Variants in WDR33 observed in about 807,000 individuals in gnomAD.
The protein encoded by WDR33 is pre-mRNA 3' end processing protein WDR33.
Under a neutral mutation model 164.9 loss-of-function variants are expected in WDR33, and 47 were observed. That is an observed-to-expected ratio of 0.29 (90% CI 0.23 to 0.36). WDR33 has a LOEUF of 0.36. Ranked by LOEUF, WDR33 falls within the 10% of genes least tolerant of loss-of-function variation. The pLI, the probability that WDR33 is intolerant of heterozygous loss-of-function variation, is 1.00. For synonymous variants in WDR33, 505 were observed against 589.0 expected (o/e 0.86, Z 2.06); for missense variants, 1,137 against 1,754.1 (o/e 0.65, Z 6.28).
intron 7 of WDR33, among the ~76,000 whole-genome samples, chr2:127,760,041 G>C (rs1687632152): frequency 6.6e-6 from 1 of 152,112 alleles, no homozygotes; most frequent in Non-Finnish European, 1.5e-5. Flanking sequence ...TTAATTTTTG[G>C]TATTCCCGTA....
chr2:127,790,356 G>T (rs1165653326), intron 1 of WDR33, among the ~76,000 whole-genome samples: 2 of 151,956 alleles, frequency 1.3e-5, no homozygotes, highest in East Asian at 3.9e-4. Flanking sequence ...CTAATATTTT[G>T]TTGTGACTTC....
Position 127,720,068 on chromosome 2 carries a change from T to C in WDR33, c.1957A>G (p.Met653Val). The C allele has an allele frequency of 6.2e-7, 1 of 1,614,108 alleles. No homozygotes were observed. The highest frequency in any genetic ancestry group is 8.5e-7 in the Non-Finnish European group (1 of 1,179,986). ...HQGGGGPQGF[M>V]GPQGPQGPPQ... ...GGGCCCTGGGGCCCCTGTGGTCCCA[T>C]GAATCCTTGTGGCCCCCCACCTCCC... Residue 653 changes from methionine (M) to valine (V), a missense_variant, in exon 16 of 22, where the codon ATG becomes GTG. Met to Val is a conservative substitution (Grantham distance 21). Around this residue, in one of 9 missense-constraint regions of WDR33, gnomAD observed 867 missense variants for 1,073.0 expected, o/e 0.81. Transcript: ENST00000322313. The surrounding 1 kb of genome is among the most constrained non-coding windows in gnomAD (Gnocchi z 5.9).
chr2:127,783,599 C>CTTTTTTTT (rs35345585), intron 1 of WDR33, among the ~76,000 whole-genome samples: 8 of 84,414 alleles, frequency 9.5e-5, no homozygotes, highest in Non-Finnish European at 1.1e-4. Context: ...TTCAGGACTC[C>CTTTTTTTT]TTTTTTTTTT....
intron 1 of WDR33, among the ~76,000 whole-genome samples, chr2:127,792,333 A>C (rs1688867714): frequency 6.6e-6 from 1 of 152,132 alleles, no homozygotes; most frequent in African/African-American, 2.4e-5. Context: ...AACAAAGGAA[A>C]AAAAATTTCC....
chr2:127,706,546 C>A lies in WDR33; in HGVS notation c.3788G>T (p.Gly1263Val). 4.4e-6 allele frequency: 7 copies of A among 1,591,022 alleles called. No individual in the cohort carries two copies. The highest frequency in any genetic ancestry group is 1.1e-5 in the South Asian group (1 of 87,028). Residue 1263 changes from glycine to valine, a missense_variant, in exon 22 of 22, where the codon GGG (glycine) becomes GTG (valine). By Grantham distance (109) the Gly-to-Val change is moderately radical (BLOSUM62 -3). Transcript: ENST00000322313. This position sits in a 1 kb window ranked among gnomAD's most constrained non-coding sequence, Gnocchi z 5.1. ...PSEDRGGKGRGGPGPAQRVPK... is the reference protein window; with the variant it reads ...PSEDRGGKGRVGPGPAQRVPK... ...CACTCTCTGAGCAGGTCCTGGGCCC[C>A]CTCGGCCTGAAACAAAGAAAATTTC... is the stretch of plus-strand genomic sequence containing the variant.
At position 127,723,310 on chromosome 2, in the gene WDR33, G is replaced by T. The variant is rs1348247377; in HGVS notation, c.1234C>A (p.Arg412=). ...AAAAGGTTTAGATTATATCGATCTC[G>T]CATTTTATCACCTGGTCGGTTTCGA... is the stretch of plus-strand genomic sequence containing the variant. ...WTRNRPGDKM[R]DRYNLNLLPG... Residue 412 remains arginine (R), a synonymous_variant, in exon 12 of 22, where the codon CGA becomes AGA. Coordinates refer to ENST00000322313, the MANE Select transcript of WDR33 (RefSeq NM_018383.5). This position sits in a 1 kb window ranked among gnomAD's most constrained non-coding sequence, Gnocchi z 5.9. 1 of 1,613,876 alleles carries T rather than the reference G, an allele frequency of 6.2e-7. No homozygotes were observed. The highest frequency in any genetic ancestry group is 8.5e-7 in the Non-Finnish European group (1 of 1,179,964).
chr2:127,777,927 C>T (rs1339892682), intron 1 of WDR33, among the ~76,000 whole-genome samples: 1 of 152,108 alleles, frequency 6.6e-6, no homozygotes, highest in Non-Finnish European at 1.5e-5. Flanking sequence ...TGCTTCTTGT[C>T]CCAAATGCTC....
intron 7 of WDR33, chr2:127,737,294 T>TC: frequency 1.0e-6 from 1 of 985,360 alleles, no homozygotes; most frequent in Non-Finnish European, 1.2e-6. Flanking sequence ...GATACCAGTG[T>TC]CCCACACATG....
chr2:127,701,726 G>A lies in WDR33; in HGVS notation c.*4597C>T, dbSNP rs1276248713. 3.6e-6 allele frequency: 5 copies of A among 1,381,212 alleles called. No individual in the cohort carries two copies. The highest frequency in any genetic ancestry group is 4.7e-6 in the Non-Finnish European group (5 of 1,068,408). The allele number at this position is 1,381,212 out of a possible 1,614,324, so 85.6% of individuals were successfully genotyped here. On this transcript the variant is annotated 3_prime_UTR_variant, in exon 22 of 22. Coordinates refer to ENST00000322313, the MANE Select transcript of WDR33 (RefSeq NM_018383.5). ...CGGAGTCGGCAGCGGCCGGCCTGAC[G>A]TGCCTCCCGAGCGTGACGCGCGGGC...
At position 127,701,739 on chromosome 2, in the gene WDR33, G is replaced by A; in HGVS notation, c.*4584C>T. 7.1e-7 allele frequency: 1 copy of A among 1,409,860 alleles called. No homozygotes were observed. The highest frequency in any genetic ancestry group is 9.2e-7 in the Non-Finnish European group (1 of 1,081,674). 87.3% of individuals were successfully genotyped at this position (1,409,860 alleles called of 1,614,324 possible). A position where few individuals can be genotyped will look rare whatever the true frequency, so the allele number is the denominator to read the frequency against. ...GGCCGGCCTGACGTGCCTCCCGAGC[G>A]TGACGCGCGGGCAGCGGCTGGCGGC... On this transcript the variant is annotated 3_prime_UTR_variant, in exon 22 of 22. Transcript: ENST00000322313.
intron 7 of WDR33, chr2:127,736,310 G>T (rs1347959446): frequency 5.1e-6 from 5 of 985,356 alleles, no homozygotes; most frequent in Non-Finnish European, 6.0e-6. Context: ...GGAAGGGCAT[G>T]TAAAGGGGCC....
At position 127,701,918 on chromosome 2, in the gene WDR33, G is replaced by C. The variant is rs1274784320; in HGVS notation, c.*4405C>G. On this transcript the variant is annotated 3_prime_UTR_variant, in exon 22 of 22. Transcript: ENST00000322313. The stretch of plus-strand genomic sequence containing the variant: ...GAAGCGCGCTGCTGCGGGGCGGCGC[G>C]GCGTGCGGACGCCTGCTGCGCTGCG... The C allele has an allele frequency of 2.1e-6, 3 of 1,446,150 alleles. No individual in the cohort carries two copies. Among genetic ancestry groups the C allele is most frequent in the Non-Finnish European group, 2.7e-6 (3 of 1,105,936 alleles). The allele number at this position is 1,446,150 out of a possible 1,614,324, so 89.6% of individuals were successfully genotyped here.
Position 127,723,667 on chromosome 2 carries a change from G to A in WDR33, c.1197-320C>T, listed in dbSNP as rs1419639032. 6.6e-6 allele frequency among the ~76,000 whole-genome samples: 1 copy of A among 151,572 alleles called. No individual in the cohort carries two copies. Among genetic ancestry groups the A allele is most frequent in the Admixed American group, 6.6e-5 (1 of 15,176 alleles). The stretch of plus-strand genomic sequence containing the variant: ...TCTCAGCTACTCACGAGGATAAGGC[G>A]GGAAGATGGCTTGAGCCCAGGAGTT... On this transcript the variant is annotated intron_variant, in intron 11 of 21. Transcript: ENST00000322313. The surrounding 1 kb of genome is among the most constrained non-coding windows in gnomAD (Gnocchi z 5.9).
rs1685903696 is a variant in WDR33 at position 127,702,009 on chromosome 2, C to G, written c.*4314G>C. ...GCTGGGCGCCACGCTGTTCGCCGCG[C>G]TGGGCCTTCGCAGCACGCTGCTCAC... On this transcript the variant is annotated 3_prime_UTR_variant, in exon 22 of 22. Coordinates refer to ENST00000322313, the MANE Select transcript of WDR33 (RefSeq NM_018383.5). 2 of 1,309,340 alleles carry G rather than the reference C, an allele frequency of 1.5e-6. No individual in the cohort carries two copies. Among genetic ancestry groups the G allele is most frequent in the Admixed American group, 8.4e-5 (2 of 23,906 alleles). The allele number at this position is 1,309,340 out of a possible 1,614,324, so 81.1% of individuals were successfully genotyped here.
rs201411198 is a variant in WDR33, at chr2:127,730,940, AG to A, written c.725-4164del. Among the ~76,000 whole-genome samples, 977 of 145,514 alleles carry A rather than the reference AG, an allele frequency of 6.7e-3. 15 individuals are homozygous for A. Among genetic ancestry groups the A allele is most frequent in the African/African-American group, 0.024 (934 of 39,042 alleles). ...TTGTTTAGGTATGTTTTTAATATGA[AG>A]GAAAAAAAAAACACCACTGAATGCA... is the stretch of plus-strand genomic sequence containing the variant. On this transcript the variant is annotated intron_variant, in intron 7 of 21. Transcript: ENST00000322313.
chr2:127,706,150 G>T lies in WDR33; in HGVS notation c.*173C>A. The T allele has an allele frequency of 2.1e-6, 1 of 487,576 alleles. No individual in the cohort carries two copies. The highest frequency in any genetic ancestry group is 3.4e-6 in the Non-Finnish European group (1 of 293,346). The allele number at this position is 487,576 out of a possible 1,614,324, so 30.2% of individuals were successfully genotyped here. ...CAGGACAGGGCCAGCCAGGCTGGTA[G>T]CTGGCAGCAGTCTCTTCATCTTGAA... is the stretch of plus-strand genomic sequence containing the variant. On this transcript the variant is annotated 3_prime_UTR_variant, in exon 22 of 22. Coordinates refer to ENST00000322313, the MANE Select transcript of WDR33 (RefSeq NM_018383.5). This position sits in a 1 kb window ranked among gnomAD's most constrained non-coding sequence, Gnocchi z 5.1.
At chr2:127,755,914 A>AT (rs1402453200) in intron 7 of WDR33, among the ~76,000 whole-genome samples, 2 of 152,204 alleles carry the variant, frequency 1.3e-5, no homozygotes, top group Admixed American at 1.3e-4. Flanking sequence ...TAATGTTTCA[A>AT]TATGGTAGAA....
At position 127,701,084 on chromosome 2, in the gene WDR33, CAAG is replaced by C. The variant is rs1685866254; in HGVS notation, c.*5236_*5238del. ...ACTGTTTGTGTTCAGTTGTAAGAAACAAGAGAGATTCTGTGTACCCTTTACCCA... is the reference window on the plus strand; with the variant it reads ...ACTGTTTGTGTTCAGTTGTAAGAAACAGAGATTCTGTGTACCCTTTACCCA... On this transcript the variant is annotated 3_prime_UTR_variant, in exon 22 of 22. Transcript: ENST00000322313. The C allele has an allele frequency of 6.5e-6, 1 of 154,020 alleles. No homozygotes were observed. Among genetic ancestry groups the C allele is most frequent in the African/African-American group, 2.4e-5 (1 of 41,540 alleles). 9.5% of individuals were successfully genotyped at this position (154,020 alleles called of 1,614,324 possible).
At chr2:127,756,801 G>A (rs1028263483) in intron 7 of WDR33, among the ~76,000 whole-genome samples, 1 of 152,090 alleles carries the variant, frequency 6.6e-6, no homozygotes, top group African/African-American at 2.4e-5. Flanking sequence ...TGAATCTTCG[G>A]CCAGGCATGG....
Sources: allele counts gnomAD v4.1 joint callset (sites outside exome capture counted in the v4.1 genomes callset), GRCh38; gene constraint gnomAD v4.1.1; regional missense constraint gnomAD v4.1.1; non-coding constraint Gnocchi (gnomAD v3.1); transcripts MANE v1.5; gene names NCBI Gene and HGNC (gene_info 2026-07-23, HGNC 2026-07-21).